NBPF15: variants seen among roughly 807,000 people sequenced by gnomAD.
NBPF15 encodes the protein NBPF member 15, also known as NBPF family member NBPF15.
A neutral mutation model predicts 62.2 loss-of-function variants in NBPF15; 74 were observed. The ratio of observed to expected loss-of-function variants is 1.19; its 90% CI spans 0.99 to 1.44. NBPF15 has a LOEUF of 1.44. Among genes scored for constraint, NBPF15 ranks in the 40% most tolerant of loss-of-function variants. NBPF15 has a pLI of 0.00. For missense variants in NBPF15, 790 were observed against 550.0 expected (o/e 1.44, Z -4.36); for synonymous variants, 244 against 209.7 (o/e 1.16, Z -1.41).
At chr1:144,453,448 C>G (rs1692427636) in intron 4 of NBPF15, among the ~76,000 whole-genome samples, 1 of 151,064 alleles carries the variant, frequency 6.6e-6, no homozygotes, top group Non-Finnish European at 1.5e-5. Context: ...AAACCAAAAG[C>G]ACAATCTACT....
At chr1:144,429,327 C>T (rs1306635192) in intron 14 of NBPF15, among the ~76,000 whole-genome samples, 1 of 150,190 alleles carries the variant, frequency 6.7e-6, no homozygotes, top group East Asian at 1.9e-4. Context: ...GCTTTGGGAA[C>T]AAAACTCATA....
In NBPF15 at chr1:144,440,811, C is replaced by T. The variant is rs1443196793; in HGVS notation, c.-190-516G>A. ...GGGAATACAGGCGCCCGCCACCACG[C>T]CCGGCTAATTTTTCTTTTTCTTTTT... On this transcript the variant is annotated intron_variant, in intron 6 of 21. Coordinates refer to ENST00000581897, the MANE Select transcript of NBPF15 (RefSeq NM_001385408.1). 4.6e-5 allele frequency among the ~76,000 whole-genome samples: 7 copies of T among 151,048 alleles called. No homozygotes were observed. The South Asian group carries it at 1.5e-3, about 32-fold the overall frequency.
intron 15 of NBPF15, 24 bp from the exon 16 acceptor site, chr1:144,428,014 G>T (rs1312523060): frequency 1.1e-5 from 8 of 758,696 alleles, no homozygotes; most frequent in Non-Finnish European, 2.0e-5. Context: ...AAAAAGTAAA[G>T]AATAAGCCAG....
At chr1:144,435,089 A>T (rs1170018463) in intron 12 of NBPF15, 22 bp downstream of exon 12, 1 of 1,612,274 alleles carries the variant, frequency 6.2e-7, no homozygotes, top group Admixed American at 1.7e-5. Context: ...GAGGTATGAG[A>T]CACAAGGAAA....
Position 144,460,944 on chromosome 1 carries a change from G to A in NBPF15, c.-920C>T, listed in dbSNP as rs1489040212. 1 of 151,504 alleles carries A rather than the reference G, an allele frequency of 6.6e-6. No homozygotes were observed. Among genetic ancestry groups the A allele is most frequent in the African/African-American group, 2.4e-5 (1 of 41,156 alleles). 9.4% of individuals were successfully genotyped at this position (151,504 alleles called of 1,614,324 possible). ...TGTGCATCCTGGACTTGGTACACCCGGCTTGCCCATCACCAGCCTGGAGAA... is the reference window on the plus strand; with the variant it reads ...TGTGCATCCTGGACTTGGTACACCCAGCTTGCCCATCACCAGCCTGGAGAA... On this transcript the variant is annotated 5_prime_UTR_variant, in exon 2 of 22. Coordinates refer to ENST00000581897, the MANE Select transcript of NBPF15 (RefSeq NM_001385408.1).
intron 14 of NBPF15, among the ~76,000 whole-genome samples, chr1:144,429,292 G>C (rs1412110875): frequency 6.7e-6 from 1 of 149,082 alleles, no homozygotes; most frequent in Non-Finnish European, 1.5e-5. Context: ...ACTGGCCTTG[G>C]GCAGGTAAAG....
At chr1:144,459,113 T>C (rs1209974701) in intron 3 of NBPF15, among the ~76,000 whole-genome samples, 1 of 151,864 alleles carries the variant, frequency 6.6e-6, no homozygotes, top group Non-Finnish European at 1.5e-5. Context: ...TTCATACTCC[T>C]AGGTTCGGCA....
intron 6 of NBPF15, among the ~76,000 whole-genome samples, 179 bp downstream of exon 6, chr1:144,448,596 T>C (rs1471503429): frequency 6.6e-6 from 1 of 151,962 alleles, no homozygotes; most frequent in Admixed American, 6.6e-5. Context: ...CCCATAAAAT[T>C]ATTATCTAAA....
chr1:144,433,131 C>T (rs1235637661), intron 13 of NBPF15, among the ~76,000 whole-genome samples: 3 of 151,998 alleles, frequency 2.0e-5, no homozygotes, highest in Non-Finnish European at 2.9e-5. Flanking sequence ...CAAATTAGAA[C>T]CCAGGATTAA....
chr1:144,426,649 G>GGAGGGAGA (rs1558598492), intron 17 of NBPF15, among the ~76,000 whole-genome samples, 199 bp from the exon 18 acceptor site: 1 of 149,346 alleles, frequency 6.7e-6, no homozygotes, highest in Non-Finnish European at 1.5e-5. Flanking sequence ...ACAGGGAGAG[G>GGAGGGAGA]GAGAGAGAGA....
intron 6 of NBPF15, among the ~76,000 whole-genome samples, chr1:144,442,264 T>C (rs1375304324): frequency 8.5e-6 from 1 of 117,940 alleles, no homozygotes; most frequent in Admixed American, 9.0e-5. Flanking sequence ...TGTAGGCCAT[T>C]ATTAATATAT....
At chr1:144,437,493 A>G (rs1254341838) in intron 9 of NBPF15, among the ~76,000 whole-genome samples, 9 of 147,338 alleles carry the variant, frequency 6.1e-5, no homozygotes, top group Admixed American at 1.4e-4. Context: ...AAATGAGGCC[A>G]GGTGCAGATG....
At chr1:144,455,112 G>T (rs1553546543) in intron 4 of NBPF15, among the ~76,000 whole-genome samples, 2 of 146,526 alleles carry the variant, frequency 1.4e-5, no homozygotes, top group African/African-American at 5.0e-5. Context: ...AGGAAGGAAG[G>T]AAGGGAGGGA....
Position 144,422,011 on chromosome 1 carries a change from C to T in NBPF15, c.*1002G>A, listed in dbSNP as rs1433888675. ...CATTGAGCCAGACAGCTGACCTGTCCTCTATAAACAAGTCCATGTCACCAC... is the reference window on the plus strand; with the variant it reads ...CATTGAGCCAGACAGCTGACCTGTCTTCTATAAACAAGTCCATGTCACCAC... On this transcript the variant is annotated 3_prime_UTR_variant, in exon 22 of 22. Transcript: ENST00000581897. The T allele has an allele frequency of 1.5e-5, 2 of 132,054 alleles. No individual in the cohort carries two copies. Among genetic ancestry groups the T allele is most frequent in the Non-Finnish European group, 3.1e-5 (2 of 64,616 alleles). The allele number at this position is 132,054 out of a possible 1,614,324, so 8.2% of individuals were successfully genotyped here. A position where few individuals can be genotyped will look rare whatever the true frequency, so the allele number is the denominator to read the frequency against.
rs373371768 is a variant in NBPF15 at position 144,439,431 on chromosome 1, C to A, written c.175+398G>T. 4.5e-4 allele frequency among the ~76,000 whole-genome samples: 69 copies of A among 151,916 alleles called. No homozygotes were observed. The East Asian group carries it at 0.012, about 27-fold the overall frequency. ...AACAGAGCTTTGCCTGTTGGGCCTC[C>A]ACAGAAACTTGAACTGAAGAAAAGT... On this transcript the variant is annotated intron_variant, in intron 8 of 21. Transcript: ENST00000581897.
At chr1:144,434,096 A>T (rs1676433413) in intron 12 of NBPF15, among the ~76,000 whole-genome samples, 1 of 148,548 alleles carries the variant, frequency 6.7e-6, no homozygotes. Context: ...TTTCCCCAAA[A>T]AAATCTCCAA....
intron 4 of NBPF15, among the ~76,000 whole-genome samples, chr1:144,455,143 A>AGGAG (rs1693648503): frequency 7.3e-6 from 1 of 136,700 alleles, no homozygotes; most frequent in Non-Finnish European, 1.6e-5. Context: ...GAGGAAGAAA[A>AGGAG]GGAGGGAGGG....
chr1:144,450,427 A>C (rs587757548), intron 5 of NBPF15, among the ~76,000 whole-genome samples: 33 of 152,150 alleles, frequency 2.2e-4, no homozygotes, highest in African/African-American at 7.0e-4. Context: ...GCCAGCACAG[A>C]AAAAGGGCCC....
At position 144,436,758 on chromosome 1, in the gene NBPF15, A is replaced by G. The variant is rs1271972799; in HGVS notation, c.493+137T>C. Reference sequence around the variant, plus strand: ...TTCCCATCTCCGTTCTTACCCAAGAAGTCCTGGTCATGTCATGGCCACATA... The same window carrying G: ...TTCCCATCTCCGTTCTTACCCAAGAGGTCCTGGTCATGTCATGGCCACATA... On this transcript the variant is annotated intron_variant, in intron 10 of 21. Coordinates refer to ENST00000581897, the MANE Select transcript of NBPF15 (RefSeq NM_001385408.1). The G allele has an allele frequency of 6.1e-6, 7 of 1,152,996 alleles. No individual in the cohort carries two copies. The Admixed American group carries it at 1.4e-4, about 22-fold the overall frequency. The allele number at this position is 1,152,996 out of a possible 1,614,324, so 71.4% of individuals were successfully genotyped here. A position where few individuals can be genotyped will look rare whatever the true frequency, so the allele number is the denominator to read the frequency against.
Sources: allele counts gnomAD v4.1 joint callset (sites outside exome capture counted in the v4.1 genomes callset), GRCh38; gene constraint gnomAD v4.1.1; transcripts MANE v1.5; gene names NCBI Gene and HGNC (gene_info 2026-07-23, HGNC 2026-07-21).